MRPS15: variants seen among roughly 807,000 people sequenced by gnomAD.
MRPS15 encodes the protein mitochondrial ribosomal protein S15.
MRPS15 carries 25 observed loss-of-function variants against 30.7 expected under a neutral mutation model. The ratio of observed to expected loss-of-function variants is 0.81; its 90% confidence interval spans 0.59 to 1.14. MRPS15 has a LOEUF of 1.14. MRPS15 is among the 50% of genes most tolerant of loss of function. The probability of loss-of-function intolerance (pLI) is 0.00; values close to 1 mark genes in which losing one functional copy is unlikely to be tolerated. For missense variants in MRPS15, 313 were observed against 321.7 expected (o/e 0.97, Z 0.21); for synonymous variants, 124 against 120.1 (o/e 1.03, Z -0.21).
intron 3 of MRPS15, 108 bp downstream of exon 3, chr1:36,461,980 T>C: frequency 3.1e-6 from 3 of 965,140 alleles, no homozygotes; most frequent in Non-Finnish European, 4.7e-6. Flanking sequence ...TCCTTCTAGA[T>C]CAAGCTTCAG....
chr1:36,460,747 C>T lies in MRPS15; in HGVS notation c.330G>A (p.Gln110=). ...KKEMLKIKQE[Q]FMKKIVANPE... ...GGTTTGCAACAATCTTCTTCATAAACTGTTCTTGCTTGATTTTTAGCATCT... is the reference window on the plus strand; with the variant it reads ...GGTTTGCAACAATCTTCTTCATAAATTGTTCTTGCTTGATTTTTAGCATCT... Residue 110 remains glutamine (Q), a synonymous_variant, in exon 5 of 8, where the codon CAG becomes CAA. Coordinates refer to ENST00000373116, the MANE Select transcript of MRPS15 (RefSeq NM_031280.4). The T allele has an allele frequency of 1.9e-6, 3 of 1,614,160 alleles. No homozygotes were observed. Among genetic ancestry groups the T allele is most frequent in the Non-Finnish European group, 2.5e-6 (3 of 1,180,008 alleles).
chr1:36,464,066 C>G, intron 1 of MRPS15, 80 bp downstream of exon 1: 2 of 1,573,054 alleles, frequency 1.3e-6, no homozygotes, highest in Non-Finnish European at 1.7e-6. Context: ...TATATCTCCC[C>G]TACTCCTGTG....
At chr1:36,461,744 A>T (rs1045831515) in intron 3 of MRPS15, among the ~76,000 whole-genome samples, 1 of 152,174 alleles carries the variant, frequency 6.6e-6, no homozygotes, top group African/African-American at 2.4e-5. Flanking sequence ...ACTGTATGAC[A>T]CTGGACAGCT....
rs1053715355 is a variant in MRPS15 at position 36,458,116 on chromosome 1, C to G, written c.386-135G>C. On this transcript the variant is annotated intron_variant, in intron 5 of 7. Coordinates refer to ENST00000373116, the MANE Select transcript of MRPS15 (RefSeq NM_031280.4). This position sits in a 1 kb window ranked among gnomAD's most constrained non-coding sequence, Gnocchi z 4.5. Reference sequence around the variant, plus strand: ...AGCTCTCTATAAATCCCAAATCACTCTGAATTTCAAGATTTCAAAGGCTTA... The same window carrying G: ...AGCTCTCTATAAATCCCAAATCACTGTGAATTTCAAGATTTCAAAGGCTTA... 3 of 701,222 alleles carry G rather than the reference C, an allele frequency of 4.3e-6. No individual in the cohort carries two copies. Among genetic ancestry groups the G allele is most frequent in the African/African-American group, 1.8e-5 (1 of 55,406 alleles). 43.4% of individuals were successfully genotyped at this position (701,222 alleles called of 1,614,324 possible).
chr1:36,463,990 T>C, intron 1 of MRPS15, 140 bp from the exon 2 acceptor site: 1 of 1,501,420 alleles, frequency 6.7e-7, no homozygotes, highest in Non-Finnish European at 9.0e-7. Flanking sequence ...TCCCTACCCC[T>C]TGTCTCTCAC....
At position 36,464,254 on chromosome 1, in the gene MRPS15, T is replaced by G; in HGVS notation, c.22A>C (p.Thr8Pro). MLRVAWR[T>P]LSLIRTRAVT... is the part of the protein sequence containing the mutation. Reference sequence around the variant, plus strand: ...GCCCGGGTCCGAATCAAACTCAGCGTCCTCCACGCGACCCTCAGCATGGTG... The same window carrying G: ...GCCCGGGTCCGAATCAAACTCAGCGGCCTCCACGCGACCCTCAGCATGGTG... Residue 8 changes from threonine to proline, a missense_variant, in exon 1 of 8, where the codon ACG becomes CCG. By Grantham distance (38) the Thr-to-Pro change is conservative. Transcript: ENST00000373116. 1 of 1,613,730 alleles carries G rather than the reference T, an allele frequency of 6.2e-7. No individual in the cohort carries two copies. Among genetic ancestry groups the G allele is most frequent in the Non-Finnish European group, 8.5e-7 (1 of 1,179,844 alleles).
At position 36,456,249 on chromosome 1, in the gene MRPS15, G is replaced by A. The variant is rs766599791; in HGVS notation, c.574C>T (p.Pro192Ser). ...TGGGCTCTTCGGTAATACAGAGGGG[G>A]GAAGGTGTACTCAATTCCCAGCCCC... ...CWGLGIEYTF[P>S]PLYYRRAHRR... Residue 192 changes from proline to serine, a missense_variant, in exon 7 of 8, where the codon CCC becomes TCC. Coordinates refer to ENST00000373116, the MANE Select transcript of MRPS15 (RefSeq NM_031280.4). 1 of 1,614,084 alleles carries A rather than the reference G, an allele frequency of 6.2e-7. No homozygotes were observed. The highest frequency in any genetic ancestry group is 8.5e-7 in the Non-Finnish European group (1 of 1,180,018).
chr1:36,461,963 C>T, intron 3 of MRPS15, 125 bp downstream of exon 3: 1 of 786,486 alleles, frequency 1.3e-6, no homozygotes, highest in Non-Finnish European at 2.1e-6. Flanking sequence ...ACACCTGGGC[C>T]CCTGCCTCCT....
intron 7 of MRPS15, 43 bp from the exon 8 acceptor site, chr1:36,455,968 CA>C: frequency 1.3e-6 from 2 of 1,597,396 alleles, no homozygotes; most frequent in Non-Finnish European, 1.7e-6. Flanking sequence ...TAATCCTGTG[CA>C]AAACCTCAGA....
chr1:36,462,785 T>C lies in MRPS15; in HGVS notation c.176-622A>G, dbSNP rs1312968980. Among the ~76,000 whole-genome samples the C allele has an allele frequency of 3.3e-5, 5 of 152,176 alleles. 1 individual carries two copies. In the South Asian group the frequency reaches 6.2e-4, roughly 19 times the overall value. On this transcript the variant is annotated intron_variant, in intron 2 of 7. Transcript: ENST00000373116. ...CTGTAACAGCTCAAGTTGATTCTGA[T>C]AGGGAGGCAGAAAAGAATTATATTA...
intron 6 of MRPS15, 27 bp downstream of exon 6, chr1:36,457,896 T>C: frequency 6.2e-7 from 1 of 1,611,658 alleles, no homozygotes; most frequent in South Asian, 1.1e-5. Context: ...TGCTGCTGTT[T>C]AACTGTGAAT....
chr1:36,456,501 A>G lies in MRPS15; in HGVS notation c.445-123T>C. ...GTAATCTTATGCAAATATTAATGCA[A>G]TTCTGAAGGAGGTATTATCATTGTT... On this transcript the variant is annotated intron_variant, in intron 6 of 7. Transcript: ENST00000373116. 7.8e-6 allele frequency: 7 copies of G among 893,448 alleles called. No individual in the cohort carries two copies. The South Asian group carries it at 1.2e-4, about 15-fold the overall frequency. 55.3% of individuals were successfully genotyped at this position (893,448 alleles called of 1,614,324 possible).
In MRPS15 at chr1:36,462,072, G is replaced by A; in HGVS notation, c.251+16C>T. 1 of 1,609,606 alleles carries A rather than the reference G, an allele frequency of 6.2e-7. No individual in the cohort carries two copies. The highest frequency in any genetic ancestry group is 8.5e-7 in the Non-Finnish European group (1 of 1,176,654). On this transcript the variant is annotated intron_variant, in intron 3 of 7. Transcript: ENST00000373116. ...CAGGGCCCCCTGCCTCCTCTACTAG[G>A]TTTCTTCCTGCTTACTTCTCAATTC... is the stretch of plus-strand genomic sequence containing the variant.
intron 7 of MRPS15, 38 bp downstream of exon 7, chr1:36,456,147 CCT>C (rs781166159): frequency 3.8e-6 from 6 of 1,571,470 alleles, no homozygotes; most frequent in Non-Finnish European, 3.5e-6. Flanking sequence ...CATCCCAGTC[CCT>C]GAGTGGGGCC....
chr1:36,463,867 G>C lies in MRPS15; in HGVS notation c.131-17C>G. 6.2e-7 allele frequency: 1 copy of C among 1,609,170 alleles called. No homozygotes were observed. The highest frequency in any genetic ancestry group is 8.5e-7 in the Non-Finnish European group (1 of 1,177,820). ...GGAGGAGACCTACGCAGAAAAGAGA[G>C]GGCTGAGGACCATCTCCTTAAATAG... On this transcript the variant is annotated splice_polypyrimidine_tract_variant and intron_variant, in intron 1 of 7. Transcript: ENST00000373116.
chr1:36,462,039 A>T, intron 3 of MRPS15, 49 bp downstream of exon 3: 2 of 1,521,768 alleles, frequency 1.3e-6, no homozygotes, highest in Non-Finnish European at 1.8e-6. Flanking sequence ...ACTCCCCGAC[A>T]ATCCTCCCAG....
At chr1:36,464,060 T>C (rs1385691946) in intron 1 of MRPS15, 86 bp downstream of exon 1, 2 of 1,529,084 alleles carry the variant, frequency 1.3e-6, no homozygotes, top group East Asian at 2.4e-5. Context: ...CCGCTGTATA[T>C]CTCCCCTACT....
In MRPS15 at chr1:36,455,822, T is replaced by C; in HGVS notation, c.740A>G (p.Lys247Arg). 1 of 1,614,184 alleles carries C rather than the reference T, an allele frequency of 6.2e-7. No homozygotes were observed. The highest frequency in any genetic ancestry group is 1.1e-5 in the South Asian group (1 of 91,084). The change falls in exon 8 of 8, where the codon AAA becomes AGA. Residue 247 changes from lysine (K) to arginine (R), a missense_variant. Transcript: ENST00000373116. ...GTCTTTGAGTGTCTTTGGTATGGCT[T>C]TGGCAGGGCTGTCTGGGTTCCTCCG... ...AKRRNPDSPA[K>R]AIPKTLKDSQ
At chr1:36,462,482 T>C (rs1650118088) in intron 2 of MRPS15, among the ~76,000 whole-genome samples, 1 of 152,216 alleles carries the variant, frequency 6.6e-6, no homozygotes, top group South Asian at 2.1e-4. Context: ...TTTGACTCCC[T>C]TGGAATCCAC....
Sources: gnomAD v4.1 joint callset for allele counts (sites outside exome capture counted in the v4.1 genomes callset) on GRCh38, gnomAD v4.1.1 for gene constraint, Gnocchi (gnomAD v3.1) non-coding constraint, MANE v1.5 for transcripts, NCBI Gene and HGNC (gene_info 2026-07-23, HGNC 2026-07-21) for gene names.